The following SPATA16 variants were observed in gnomAD, a reference collection of about 807,000 sequenced individuals.
SPATA16 encodes the protein spermatogenesis-associated protein 16.
A neutral mutation model predicts 63.3 loss-of-function variants in SPATA16; 36 were observed. The observed-to-expected ratio is 0.57, with a 90% confidence interval of 0.44 to 0.75. SPATA16 has a LOEUF of 0.75. Among genes scored for constraint, SPATA16 ranks in the 30% least tolerant of loss-of-function variants. The probability of loss-of-function intolerance (pLI) is 0.00; values close to 1 mark genes in which losing one functional copy is unlikely to be tolerated. For missense variants in SPATA16, 646 were observed against 679.3 expected (o/e 0.95, Z 0.54); for synonymous variants, 203 against 216.7 (o/e 0.94, Z 0.56).
chr3:172,920,958 C>A (rs1219853813), intron 8 of SPATA16, among the ~76,000 whole-genome samples: 1 of 151,918 alleles, frequency 6.6e-6, no homozygotes, highest in African/African-American at 2.4e-5. Flanking sequence ...AGCCCATTTT[C>A]ATTAAATAAC....
intron 7 of SPATA16, among the ~76,000 whole-genome samples, chr3:172,924,864 A>C (rs1732692205): frequency 6.6e-6 from 1 of 152,164 alleles, no homozygotes; most frequent in African/African-American, 2.4e-5. Context: ...TTGAGTTTTG[A>C]AAGTTTCGAC....
At chr3:172,897,344 A>T (rs1291935232) in intron 10 of SPATA16, among the ~76,000 whole-genome samples, 1 of 152,084 alleles carries the variant, frequency 6.6e-6, no homozygotes, top group East Asian at 1.9e-4. Context: ...CAAATTCTTG[A>T]TTACTGTAGC....
chr3:173,117,251 A>G lies in SPATA16; in HGVS notation c.481T>C (p.Leu161=), dbSNP rs1328291728. ...TCQAAEIVDP[L]SVHNFSFLPQ... is the part of the protein sequence containing the mutation. The stretch of plus-strand genomic sequence containing the variant: ...AGAAAGCTGAAATTATGTACACTCA[A>G]AGGGTCTACTATTTCAGCAGCTTGG... The change falls in exon 2 of 11, where the codon TTG becomes CTG. Residue 161 remains leucine, a synonymous_variant. Coordinates refer to ENST00000351008, the MANE Select transcript of SPATA16 (RefSeq NM_031955.6). The G allele has an allele frequency of 6.2e-7, 1 of 1,614,148 alleles. No individual in the cohort carries two copies.
chr3:173,109,657 C>T (rs556426831), intron 2 of SPATA16, among the ~76,000 whole-genome samples: 12 of 152,108 alleles, frequency 7.9e-5, no homozygotes, highest in Admixed American at 2.0e-4. Flanking sequence ...TCTTTCTAAA[C>T]GTCAACTTAA....
chr3:172,913,907 C>T (rs1294744275), intron 9 of SPATA16, among the ~76,000 whole-genome samples, 163 bp from the exon 10 acceptor site: 1 of 151,950 alleles, frequency 6.6e-6, no homozygotes. Flanking sequence ...TTGTCATTGC[C>T]GAATATTATT....
chr3:173,089,579 A>T (rs1207150465), intron 2 of SPATA16, among the ~76,000 whole-genome samples: 1 of 152,156 alleles, frequency 6.6e-6, no homozygotes, highest in Admixed American at 6.6e-5. Context: ...GGAGGCCCTG[A>T]AAAGGGGAGC....
chr3:172,967,420 C>T (rs1200987441), intron 5 of SPATA16, among the ~76,000 whole-genome samples: 1 of 152,162 alleles, frequency 6.6e-6, no homozygotes, highest in East Asian at 1.9e-4. Flanking sequence ...AAACATTACT[C>T]AGGGGTCACT....
intron 8 of SPATA16, 123 bp downstream of exon 8, chr3:172,924,084 AG>A: frequency 1.3e-6 from 1 of 763,504 alleles, no homozygotes. Context: ...TTTGCAAATG[AG>A]ATTTACTATG....
At chr3:172,896,395 T>C (rs1330325522) in intron 10 of SPATA16, among the ~76,000 whole-genome samples, 1 of 152,122 alleles carries the variant, frequency 6.6e-6, no homozygotes, top group Non-Finnish European at 1.5e-5. Context: ...TAATTTTCTG[T>C]ATTTTTTAGT....
At chr3:172,925,726 C>T (rs1468059429) in intron 6 of SPATA16, among the ~76,000 whole-genome samples, 1 of 152,094 alleles carries the variant, frequency 6.6e-6, no homozygotes, top group Non-Finnish European at 1.5e-5. Flanking sequence ...TAAAATATGG[C>T]TAGATCACAT....
intron 4 of SPATA16, among the ~76,000 whole-genome samples, chr3:173,003,322 A>G (rs909030645): frequency 1.3e-5 from 2 of 152,214 alleles, no homozygotes; most frequent in Admixed American, 1.3e-4. Context: ...TATGCTCATT[A>G]GTAATCAAGA....
chr3:173,053,346 C>T (rs1315630222), intron 2 of SPATA16, among the ~76,000 whole-genome samples: 1 of 152,056 alleles, frequency 6.6e-6, no homozygotes, highest in Non-Finnish European at 1.5e-5. Context: ...CACTGCACTC[C>T]AGCCTGGGTG....
At chr3:173,106,414 G>T (rs1049243803) in intron 2 of SPATA16, among the ~76,000 whole-genome samples, 1 of 152,118 alleles carries the variant, frequency 6.6e-6, no homozygotes, top group Admixed American at 6.5e-5. Flanking sequence ...CTATATTTTA[G>T]CTGTAACTAA....
intron 2 of SPATA16, among the ~76,000 whole-genome samples, chr3:173,070,149 C>G (rs767953407): frequency 6.6e-6 from 1 of 152,052 alleles, no homozygotes; most frequent in Admixed American, 6.6e-5. Context: ...AATCCCAGCA[C>G]TTTGGGAGGC....
intron 5 of SPATA16, among the ~76,000 whole-genome samples, chr3:172,975,345 AG>A (rs1030705157): frequency 1.3e-5 from 2 of 152,154 alleles, no homozygotes; most frequent in Admixed American, 6.5e-5. Flanking sequence ...AAAACAGGAT[AG>A]GTACTCATAT....
At chr3:173,021,223 G>A (rs1244692126) in intron 3 of SPATA16, among the ~76,000 whole-genome samples, 1 of 152,200 alleles carries the variant, frequency 6.6e-6, no homozygotes, top group Non-Finnish European at 1.5e-5. Context: ...GCAGAAAGTA[G>A]AGGAAGACGG....
At chr3:173,137,813 T>C (rs1738588084) in intron 1 of SPATA16, among the ~76,000 whole-genome samples, 1 of 123,574 alleles carries the variant, frequency 8.1e-6, no homozygotes. Flanking sequence ...GGGGATCCCA[T>C]GGACTCTCAA....
intron 4 of SPATA16, among the ~76,000 whole-genome samples, chr3:172,995,962 C>T (rs775690733): frequency 5.9e-5 from 9 of 152,002 alleles, no homozygotes; most frequent in African/African-American, 1.4e-4. Context: ...CCAGGTTTTC[C>T]GTTAATGTCC....
chr3:172,943,809 G>A (rs571589337), intron 6 of SPATA16, among the ~76,000 whole-genome samples: 175 of 152,094 alleles, frequency 1.2e-3, no homozygotes, highest in African/African-American at 3.9e-3. Context: ...AAAAGTCACC[G>A]CAGAAAAGTC....
Sources: allele counts gnomAD v4.1 joint callset (sites outside exome capture counted in the v4.1 genomes callset), GRCh38; gene constraint gnomAD v4.1.1; transcripts MANE v1.5; gene names NCBI Gene and HGNC (gene_info 2026-07-23, HGNC 2026-07-21).